Variants in RTP2 observed in about 807,000 individuals in gnomAD.
The protein encoded by RTP2 is receptor-transporting protein 2.
RTP2 carries 12 observed loss-of-function variants against 17.9 expected under a neutral mutation model. The observed-to-expected ratio is 0.67, with a 90% CI of 0.43 to 1.09. The LOEUF is 1.09. RTP2 is among the 50% of genes least tolerant of loss of function. The pLI is 0.00. For missense variants in RTP2, 327 were observed against 295.7 expected, an observed-to-expected ratio of 1.11 and a Z score of -0.78; for synonymous variants, 126 against 117.7, an observed-to-expected ratio of 1.07 and a Z score of -0.46.
chr3:187,715,005 C>T, the RTP2 span, among the ~76,000 whole-genome samples: 2 of 152,010 alleles, frequency 1.3e-5, no homozygotes, highest in African/African-American at 2.4e-5. Flanking sequence ...AAGAAAGACA[C>T]AACTTGGTCC....
At chr3:187,698,984 G>A in exon 2 of RTP2, 1 of 1,593,022 alleles carries the variant, frequency 6.3e-7, no homozygotes, top group East Asian at 2.3e-5. Context: ...CAGACTGCCA[G>A]GTGTGCCAGC....
chr3:187,698,267 T>C, exon 2 of RTP2: 1 of 518,736 alleles, frequency 1.9e-6, no homozygotes, highest in Non-Finnish European at 3.4e-6. Flanking sequence ...TGGCAAGCTC[T>C]AAAACCTTTA....
chr3:187,700,799 C>T (rs1245079534), intron 1 of RTP2, among the ~76,000 whole-genome samples: 2 of 152,192 alleles, frequency 1.3e-5, no homozygotes, highest in Non-Finnish European at 2.9e-5. Flanking sequence ...TAGTTAGAGG[C>T]AGAGCCAGTG....
At chr3:187,712,851 G>T in the RTP2 span, among the ~76,000 whole-genome samples, 4,704 of 152,282 alleles carry the variant, frequency 0.031, 96 homozygotes, top group African/African-American at 0.04. Context: ...TCCAAAAGGG[G>T]TCCTGAAGAT....
upstream of RTP2, among the ~76,000 whole-genome samples, chr3:187,705,704 T>A (rs990196884): frequency 6.6e-6 from 1 of 152,194 alleles, no homozygotes; most frequent in Non-Finnish European, 1.5e-5. Context: ...GATTCCTTGA[T>A]GAGCAGTCAG....
the RTP2 span, among the ~76,000 whole-genome samples, chr3:187,708,279 T>C: frequency 6.6e-6 from 1 of 152,184 alleles, no homozygotes; most frequent in African/African-American, 2.4e-5. Flanking sequence ...AATCTTAATG[T>C]GGATTTATGC....
intron 1 of RTP2, among the ~76,000 whole-genome samples, chr3:187,699,940 T>C (rs969922063): frequency 6.6e-6 from 1 of 152,096 alleles, no homozygotes; most frequent in Admixed American, 6.5e-5. Flanking sequence ...ACACTTTCAG[T>C]GATGCAGCAC....
the RTP2 span, chr3:187,715,540 C>T: frequency 5.0e-5 from 20 of 399,036 alleles, no homozygotes; most frequent in South Asian, 3.5e-4. Flanking sequence ...CTAATACTGG[C>T]ATAGGCCTTG....
intron 1 of RTP2, 101 bp downstream of exon 1, chr3:187,701,864 C>T (rs1717856407): frequency 1.9e-6 from 1 of 517,896 alleles, no homozygotes; most frequent in African/African-American, 3.6e-5. Flanking sequence ...TGAGCTGACA[C>T]CAGAATAAGC....
chr3:187,708,114 A>C, the RTP2 span, among the ~76,000 whole-genome samples: 1 of 152,232 alleles, frequency 6.6e-6, no homozygotes, highest in East Asian at 1.9e-4. Context: ...TTCCCTAATG[A>C]AGGTACATGT....
At chr3:187,700,768 A>G (rs1717824245) in intron 1 of RTP2, among the ~76,000 whole-genome samples, 1 of 152,204 alleles carries the variant, frequency 6.6e-6, no homozygotes, top group African/African-American at 2.4e-5. Context: ...ATAGTAAGAG[A>G]GGCATCCATG....
chr3:187,700,360 G>A (rs1717814438), intron 1 of RTP2, among the ~76,000 whole-genome samples: 1 of 152,236 alleles, frequency 6.6e-6, no homozygotes, highest in Non-Finnish European at 1.5e-5. Context: ...GCATCTGCCT[G>A]TTTAGAGACA....
exon 2 of RTP2, chr3:187,698,406 G>A: frequency 8.5e-7 from 1 of 1,169,664 alleles, no homozygotes; most frequent in East Asian, 2.6e-5. Flanking sequence ...GGATTGTCCA[G>A]TCATATGTTG....
chr3:187,708,202 C>A, the RTP2 span, among the ~76,000 whole-genome samples: 1 of 152,170 alleles, frequency 6.6e-6, no homozygotes, highest in Non-Finnish European at 1.5e-5. Context: ...CAGACACCCA[C>A]GGGCTATATC....
At chr3:187,698,764 G>T (rs769892625) in exon 2 of RTP2, 2 of 1,613,958 alleles carry the variant, frequency 1.2e-6, no homozygotes, top group South Asian at 2.2e-5. Context: ...ACGTGGATGC[G>T]GTACTGGCCA....
At chr3:187,699,203 C>T (rs1717780244) in intron 1 of RTP2, among the ~76,000 whole-genome samples, 192 bp from the exon 2 acceptor site, 1 of 152,130 alleles carries the variant, frequency 6.6e-6, no homozygotes, top group Admixed American at 6.5e-5. Flanking sequence ...CCCTGGGACC[C>T]GAGCAGCATC....
At chr3:187,704,193 G>A (rs955499257), upstream of RTP2, among the ~76,000 whole-genome samples, 1 of 152,092 alleles carries the variant, frequency 6.6e-6, no homozygotes, top group Admixed American at 6.5e-5. Context: ...CCTGTATTCT[G>A]CAAACAAATC....
chr3:187,705,056 A>G (rs535380211), upstream of RTP2, among the ~76,000 whole-genome samples: 224 of 152,212 alleles, frequency 1.5e-3, no homozygotes, highest in African/African-American at 5.2e-3. Flanking sequence ...GACTATATCT[A>G]CTTATCCTTT....
At chr3:187,712,707 G>C in the RTP2 span, among the ~76,000 whole-genome samples, 1 of 152,290 alleles carries the variant, frequency 6.6e-6, no homozygotes, top group South Asian at 2.1e-4. Flanking sequence ...CAATAGATGA[G>C]AAAGGGCTGG....
Sources: allele counts gnomAD v4.1 joint callset (sites outside exome capture counted in the v4.1 genomes callset), GRCh38; gene constraint gnomAD v4.1.1; transcripts MANE v1.5; gene names NCBI Gene and HGNC (gene_info 2026-07-23, HGNC 2026-07-21).